The following ATXN7L1 variants were observed in gnomAD, a reference collection of about 807,000 sequenced individuals.
ATXN7L1 encodes the protein ataxin 7 like 1, also known as ataxin-7-like protein 1.
Under a neutral mutation model 70.8 loss-of-function variants are expected in ATXN7L1, and 15 were observed. That is an observed-to-expected ratio of 0.21 (90% confidence interval 0.14 to 0.33). The LOEUF is 0.33. ATXN7L1 is among the 10% of genes least tolerant of loss of function. The pLI is 1.00. For synonymous variants in ATXN7L1, 440 were observed against 445.1 expected (o/e 0.99, Z 0.14); for missense variants, 975 against 1,097.1 (o/e 0.89, Z 1.57).
chr7:105,659,128 C>A (rs548737234), intron 4 of ATXN7L1, among the ~76,000 whole-genome samples: 1 of 149,572 alleles, frequency 6.7e-6, no homozygotes, highest in African/African-American at 2.6e-5. Context: ...CACAGCAGGA[C>A]TCCGACTCAA....
chr7:105,708,406 A>T (rs520141), intron 3 of ATXN7L1, among the ~76,000 whole-genome samples: 32,859 of 152,144 alleles, frequency 0.22, 4,885 homozygotes, highest in East Asian at 0.41. Flanking sequence ...CTCCAAGTTG[A>T]GTGGGCCAGT....
At chr7:105,676,592 C>A (rs1804679950) in intron 3 of ATXN7L1, among the ~76,000 whole-genome samples, 1 of 152,160 alleles carries the variant, frequency 6.6e-6, no homozygotes, top group African/African-American at 2.4e-5. Flanking sequence ...GTAATCCCGG[C>A]ACTTTGGGAG....
chr7:105,708,161 G>A (rs535905907), intron 3 of ATXN7L1, among the ~76,000 whole-genome samples: 17 of 152,188 alleles, frequency 1.1e-4, no homozygotes, highest in African/African-American at 2.7e-4. Flanking sequence ...CCACAGTGTC[G>A]TGGAGAACAG....
intron 3 of ATXN7L1, among the ~76,000 whole-genome samples, chr7:105,713,027 G>C (rs1306473877): frequency 1.3e-5 from 2 of 152,160 alleles, no homozygotes; most frequent in African/African-American, 2.4e-5. Context: ...TGACTGGGAG[G>C]CCTCAGAAAA....
At chr7:105,740,071 T>C (rs1432972827) in intron 3 of ATXN7L1, among the ~76,000 whole-genome samples, 1 of 152,230 alleles carries the variant, frequency 6.6e-6, no homozygotes, top group Non-Finnish European at 1.5e-5. Context: ...TGTTTCCTTC[T>C]TTTATTTTCA....
At chr7:105,794,868 A>T (rs1203322821) in intron 2 of ATXN7L1, among the ~76,000 whole-genome samples, 1 of 152,252 alleles carries the variant, frequency 6.6e-6, no homozygotes, top group Non-Finnish European at 1.5e-5. Context: ...TCAGGCTTGT[A>T]GCATTAAATC....
intron 2 of ATXN7L1, among the ~76,000 whole-genome samples, chr7:105,813,119 T>A (rs550282262): frequency 4.6e-5 from 7 of 152,344 alleles, no homozygotes; most frequent in African/African-American, 1.7e-4. Flanking sequence ...TACCTACTTG[T>A]ATGACTTCAT....
chr7:105,674,753 T>C (rs557337177), intron 3 of ATXN7L1, among the ~76,000 whole-genome samples: 2 of 152,368 alleles, frequency 1.3e-5, no homozygotes, highest in East Asian at 1.9e-4. Context: ...TGTGGTGGCA[T>C]TCCCCCTTCC....
chr7:105,849,110 C>T (rs1397393522), intron 2 of ATXN7L1, among the ~76,000 whole-genome samples: 3 of 152,236 alleles, frequency 2.0e-5, no homozygotes, highest in Admixed American at 2.0e-4. Context: ...ACCATTATTG[C>T]ACCATTATCA....
intron 4 of ATXN7L1, among the ~76,000 whole-genome samples, chr7:105,650,034 C>G (rs1584512511): frequency 6.6e-6 from 1 of 152,336 alleles, no homozygotes; most frequent in Middle Eastern, 3.4e-3. Flanking sequence ...AATTTACCCT[C>G]TTTTAAAATG....
At chr7:105,616,694 T>C (rs1793946563) in intron 9 of ATXN7L1, among the ~76,000 whole-genome samples, 1 of 152,174 alleles carries the variant, frequency 6.6e-6, no homozygotes, top group African/African-American at 2.4e-5. Flanking sequence ...GAACTATGCA[T>C]GGTGGGCAAG....
At chr7:105,839,408 G>A (rs1040562928) in intron 2 of ATXN7L1, among the ~76,000 whole-genome samples, 2 of 152,148 alleles carry the variant, frequency 1.3e-5, no homozygotes, top group African/African-American at 4.8e-5. Context: ...CCAGTTTGCT[G>A]GGCACATGGG....
At position 105,638,543 on chromosome 7, in the gene ATXN7L1, C is replaced by T; in HGVS notation, c.1012G>A (p.Glu338Lys). 6.4e-7 allele frequency: 1 copy of T among 1,552,126 alleles called. No individual in the cohort carries two copies. The highest frequency in any genetic ancestry group is 1.2e-5 in the South Asian group (1 of 84,060). Residue 338 changes from glutamate (E) to lysine (K), a missense_variant, in exon 7 of 12, where the codon GAA becomes AAA. Around this residue, in one of 5 missense-constraint regions of ATXN7L1, gnomAD observed 635 missense variants for 699.4 expected, o/e 0.91. Coordinates refer to ENST00000419735, the MANE Select transcript of ATXN7L1 (RefSeq NM_020725.2). ...RKKQFDLLLA[E>K]HKAKSREKEV... is the part of the protein sequence containing the mutation. ...TTTTCCCGGGACTTTGCTTTGTGTT[C>T]TGCCAGGAGGAGGTCAAATTGCTTT...
At chr7:105,697,010 G>A (rs1791801426) in intron 3 of ATXN7L1, among the ~76,000 whole-genome samples, 1 of 152,210 alleles carries the variant, frequency 6.6e-6, no homozygotes, top group Non-Finnish European at 1.5e-5. Context: ...GGGAGGGACT[G>A]TGCGAATAGG....
At chr7:105,673,879 A>T (rs513973) in intron 3 of ATXN7L1, among the ~76,000 whole-genome samples, 43,903 of 152,116 alleles carry the variant, frequency 0.29, 6,592 homozygotes, top group South Asian at 0.46. Flanking sequence ...TAGATACTAA[A>T]CTTACTGCCA....
At position 105,607,203 on chromosome 7, in the gene ATXN7L1, A is replaced by G. The variant is rs1386511841; in HGVS notation, c.*649T>C. The G allele has an allele frequency of 1.3e-5, 2 of 152,734 alleles. No homozygotes were observed. The highest frequency in any genetic ancestry group is 2.9e-5 in the Non-Finnish European group (2 of 68,538). The allele number at this position is 152,734 out of a possible 1,614,324, so 9.5% of individuals were successfully genotyped here. ...AGGTAAACCACATCACTAAACGGCC[A>G]CTGTTCTCAATCTCGCTTCTAGCAT... On this transcript the variant is annotated 3_prime_UTR_variant, in exon 12 of 12. Coordinates refer to ENST00000419735, the MANE Select transcript of ATXN7L1 (RefSeq NM_020725.2).
intron 2 of ATXN7L1, among the ~76,000 whole-genome samples, chr7:105,854,408 G>A (rs1180754338): frequency 6.8e-6 from 1 of 147,840 alleles, no homozygotes. Context: ...TGAACGGCTC[G>A]AGACAGATGC....
chr7:105,711,817 C>G (rs1305309099), intron 3 of ATXN7L1, among the ~76,000 whole-genome samples: 1 of 152,270 alleles, frequency 6.6e-6, no homozygotes, highest in Admixed American at 6.5e-5. Flanking sequence ...CACAGCTCCA[C>G]TAGGCAATGC....
At chr7:105,686,132 TAA>T (rs10718986) in intron 3 of ATXN7L1, among the ~76,000 whole-genome samples, 3 of 147,496 alleles carry the variant, frequency 2.0e-5, no homozygotes, top group African/African-American at 5.0e-5. Flanking sequence ...AAGGGCAGAT[TAA>T]AAAAAAAAAA....
Sources: gnomAD v4.1 joint callset for allele counts (sites outside exome capture counted in the v4.1 genomes callset) on GRCh38, gnomAD v4.1.1 for gene constraint, gnomAD v4.1.1 regional missense constraint, MANE v1.5 for transcripts, NCBI Gene and HGNC (gene_info 2026-07-23, HGNC 2026-07-21) for gene names.